The following IP6K2 variants were observed in gnomAD, a reference collection of about 807,000 sequenced individuals.
IP6K2 encodes the protein ATP:1D-myo-inositol-hexakisphosphate phosphotransferase.
Under a neutral mutation model 43.3 loss-of-function variants are expected in IP6K2, and 9 were observed. That is an observed-to-expected ratio of 0.21 (90% CI 0.13 to 0.36). The LOEUF is 0.36. Ranked by LOEUF, IP6K2 falls within the 10% of genes least tolerant of loss-of-function variation. IP6K2 has a pLI of 1.00. For synonymous variants in IP6K2, 209 were observed against 202.4 expected (o/e 1.03, Z -0.28); for missense variants, 332 against 538.4 (o/e 0.62, Z 3.79).
Position 48,693,216 on chromosome 3 carries a change from T to G in IP6K2, c.203-37A>C, listed in dbSNP as rs1211977232. The G allele has an allele frequency of 2.0e-6, 3 of 1,524,160 alleles. No individual in the cohort carries two copies. The South Asian group carries it at 3.4e-5, about 17-fold the overall frequency. 94.4% of individuals were successfully genotyped at this position (1,524,160 alleles called of 1,614,324 possible). A position where few individuals can be genotyped will look rare whatever the true frequency, so the allele number is the denominator to read the frequency against. ...TGAGGAGCAGAAAGAACTTTTAATT[T>G]AGCAGGAAGAAGCGTTGTAAGTAAC... is the stretch of plus-strand genomic sequence containing the variant. On this transcript the variant is annotated intron_variant, in intron 2 of 5. Coordinates refer to ENST00000328631, the MANE Select transcript of IP6K2 (RefSeq NM_016291.4).
chr3:48,700,234 A>G (rs2078876922), intron 1 of IP6K2, among the ~76,000 whole-genome samples: 1 of 152,196 alleles, frequency 6.6e-6, no homozygotes, highest in African/African-American at 2.4e-5. Flanking sequence ...ATGAAGGATC[A>G]ATTTTCCAAA....
intron 1 of IP6K2, among the ~76,000 whole-genome samples, chr3:48,710,422 G>A (rs1226227849): frequency 6.6e-6 from 1 of 152,068 alleles, no homozygotes; most frequent in East Asian, 1.9e-4. Context: ...TTGCATTTCA[G>A]GACCAGCAGT....
At chr3:48,704,933 C>A (rs1038951129) in intron 1 of IP6K2, among the ~76,000 whole-genome samples, 1 of 151,660 alleles carries the variant, frequency 6.6e-6, no homozygotes, top group African/African-American at 2.4e-5. Flanking sequence ...CCACTGTGCC[C>A]GGCTAATTTT....
At chr3:48,712,251 T>C (rs2080624769) in intron 1 of IP6K2, among the ~76,000 whole-genome samples, 1 of 150,926 alleles carries the variant, frequency 6.6e-6, no homozygotes, top group Non-Finnish European at 1.5e-5. Context: ...AATTTTTTTT[T>C]TTTTTTTTTG....
At chr3:48,715,404 C>A (rs2081080172) in intron 1 of IP6K2, 1 of 1,536,224 alleles carries the variant, frequency 6.5e-7, no homozygotes. Flanking sequence ...GCTCTGGCAT[C>A]CCTCTTGGAA....
At chr3:48,705,304 G>A (rs1000865690) in intron 1 of IP6K2, among the ~76,000 whole-genome samples, 10 of 152,134 alleles carry the variant, frequency 6.6e-5, no homozygotes, top group East Asian at 3.9e-4. Context: ...TGATCTGCCC[G>A]CGTCAGCCTC....
At chr3:48,706,213 A>G (rs888094905) in intron 1 of IP6K2, among the ~76,000 whole-genome samples, 2 of 152,086 alleles carry the variant, frequency 1.3e-5, no homozygotes, top group African/African-American at 4.8e-5. Context: ...ATCTCAAAAA[A>G]AAAGAGGCCA....
intron 2 of IP6K2, chr3:48,693,937 G>C (rs2078019199): frequency 1.1e-5 from 15 of 1,350,334 alleles, no homozygotes; most frequent in Non-Finnish European, 7.6e-6. Flanking sequence ...GACAGTCTTT[G>C]AGGATGGGGC....
intron 2 of IP6K2, chr3:48,694,589 T>C: frequency 6.6e-7 from 1 of 1,523,236 alleles, no homozygotes; most frequent in Non-Finnish European, 8.8e-7. Flanking sequence ...GTTGCTTTCA[T>C]ATAGCAATTT....
chr3:48,698,053 C>A (rs1420356957), intron 1 of IP6K2, among the ~76,000 whole-genome samples: 1 of 152,160 alleles, frequency 6.6e-6, no homozygotes, highest in African/African-American at 2.4e-5. Flanking sequence ...TCCAGGAAGG[C>A]ACGTATTGAG....
chr3:48,694,883 A>G, intron 2 of IP6K2: 1 of 1,539,200 alleles, frequency 6.5e-7, no homozygotes, highest in Non-Finnish European at 8.7e-7. Context: ...ACACAACAAA[A>G]CAGAATTGAG....
At chr3:48,715,527 G>A in intron 1 of IP6K2, 2 of 1,444,736 alleles carry the variant, frequency 1.4e-6, no homozygotes, top group Middle Eastern at 2.3e-4. Context: ...CACCTAGGAA[G>A]CTTTGAAACA....
intron 1 of IP6K2, among the ~76,000 whole-genome samples, chr3:48,709,798 C>T (rs1366515438): frequency 1.3e-5 from 2 of 151,052 alleles, no homozygotes; most frequent in Non-Finnish European, 2.9e-5. Context: ...GATCGCACCA[C>T]TGCACTCCAG....
In IP6K2 at chr3:48,706,762, C is replaced by T. The variant is rs2079840549; in HGVS notation, c.-131+10395G>A. Among the ~76,000 whole-genome samples the T allele has an allele frequency of 3.3e-5, 5 of 152,080 alleles. No individual in the cohort carries two copies. The South Asian group carries it at 1.0e-3, about 31-fold the overall frequency. ...GGCTGAAGCAGGAGAATAGCTTGAA[C>T]CTGGGAGGCTGAGGCTGCAGTGAAC... On this transcript the variant is annotated intron_variant, in intron 1 of 5. Coordinates refer to ENST00000328631, the MANE Select transcript of IP6K2 (RefSeq NM_016291.4).
intron 2 of IP6K2, chr3:48,694,506 C>A (rs763975822): frequency 6.5e-7 from 1 of 1,542,006 alleles, no homozygotes; most frequent in South Asian, 1.2e-5. Flanking sequence ...CCCCACCATG[C>A]TGGTGGCTGC....
chr3:48,708,380 T>C (rs1200336730), intron 1 of IP6K2: 1 of 152,182 alleles, frequency 6.6e-6, no homozygotes, highest in Non-Finnish European at 1.5e-5. Context: ...TAAGGTCTCA[T>C]ATGTCCCCTT....
chr3:48,714,547 A>G (rs939282476), intron 1 of IP6K2, among the ~76,000 whole-genome samples: 8 of 151,686 alleles, frequency 5.3e-5, no homozygotes, highest in African/African-American at 1.2e-4. Context: ...CACCTGCCAC[A>G]GAGGCTGGCT....
intron 2 of IP6K2, 59 bp from the exon 3 acceptor site, chr3:48,693,238 T>C (rs1408571236): frequency 1.2e-5 from 17 of 1,417,248 alleles, no homozygotes; most frequent in Non-Finnish European, 1.7e-5. Flanking sequence ...GCGTTGTAAG[T>C]AACATGATTG....
At chr3:48,711,522 C>T (rs1461148099) in intron 1 of IP6K2, 1 of 152,196 alleles carries the variant, frequency 6.6e-6, no homozygotes, top group Non-Finnish European at 1.5e-5. Context: ...AAGAAAAACC[C>T]AAGCCCTTCA....
Sources: allele counts gnomAD v4.1 joint callset (sites outside exome capture counted in the v4.1 genomes callset), GRCh38; gene constraint gnomAD v4.1.1; transcripts MANE v1.5; gene names NCBI Gene and HGNC (gene_info 2026-07-23, HGNC 2026-07-21).